Variants in PEAK1 observed in about 807,000 individuals in gnomAD.
PEAK1 encodes the protein inactive tyrosine-protein kinase PEAK1.
A neutral mutation model predicts 124.7 loss-of-function variants in PEAK1; 54 were observed. The observed-to-expected ratio is 0.43, with a 90% CI of 0.35 to 0.54. PEAK1 has a LOEUF of 0.54. Ranked by LOEUF, PEAK1 falls within the 20% of genes least tolerant of loss-of-function variation. The pLI, the probability that PEAK1 is intolerant of heterozygous loss-of-function variation, is 0.01. For synonymous variants in PEAK1, 719 were observed against 760.0 expected (o/e 0.95, Z 0.89); for missense variants, 2,046 against 2,134.5 (o/e 0.96, Z 0.82).
intron 6 of PEAK1, among the ~76,000 whole-genome samples, chr15:77,211,620 G>A (rs2058909283): frequency 6.6e-6 from 1 of 152,024 alleles, no homozygotes; most frequent in African/African-American, 2.4e-5. Flanking sequence ...AGGCCGAGGT[G>A]GGTCGATCAT....
chr15:77,298,918 G>A (rs1022540021), intron 2 of PEAK1, among the ~76,000 whole-genome samples: 9 of 152,082 alleles, frequency 5.9e-5, no homozygotes, highest in African/African-American at 2.2e-4. Context: ...CCTAGGTGGG[G>A]AGAAGGCCAA....
At chr15:77,164,762 T>G (rs1340537670) in intron 7 of PEAK1, among the ~76,000 whole-genome samples, 1 of 152,200 alleles carries the variant, frequency 6.6e-6, no homozygotes, top group African/African-American at 2.4e-5. Context: ...CTCCTTAGCA[T>G]CATAATTTTG....
intron 6 of PEAK1, among the ~76,000 whole-genome samples, chr15:77,214,556 G>A (rs868068104): frequency 4.0e-5 from 6 of 151,238 alleles, no homozygotes; most frequent in African/African-American, 1.2e-4. Flanking sequence ...CCCAGGAGGC[G>A]GAACTTGCAG....
intron 2 of PEAK1, among the ~76,000 whole-genome samples, chr15:77,328,600 T>C (rs953877566): frequency 2.6e-5 from 4 of 152,168 alleles, no homozygotes; most frequent in Admixed American, 6.6e-5. Context: ...AAATCCATAA[T>C]GTAGTCTGAT....
chr15:77,284,260 A>G (rs12910466), intron 4 of PEAK1, among the ~76,000 whole-genome samples: 1,667 of 152,344 alleles, frequency 0.011, 19 homozygotes, highest in Non-Finnish European at 0.017. Flanking sequence ...CCATCTTCAC[A>G]TGGCAGGATT....
chr15:77,181,172 C>T lies in PEAK1; in HGVS notation c.755G>A (p.Trp252Ter). ...FSNMEEEHES[W>*]DESDEELLAM... ...CAACAGCTCTTCATCACTCTCATCC[C>T]AACTCTCGTGCTCCTCCTCCATGTT... Residue 252 changes from tryptophan to a stop codon, truncating the protein, a stop_gained, in exon 7 of 10, where the codon TGG becomes TAG. Transcript: ENST00000682557. LOFTEE classifies it high-confidence loss of function. 1 of 1,614,172 alleles carries T rather than the reference C, an allele frequency of 6.2e-7. No individual in the cohort carries two copies.
intron 1 of PEAK1, among the ~76,000 whole-genome samples, chr15:77,373,735 A>G (rs1390524334): frequency 6.6e-6 from 1 of 152,214 alleles, no homozygotes; most frequent in Non-Finnish European, 1.5e-5. Context: ...AATACTTTAA[A>G]TATCACTCCT....
At chr15:77,121,260 T>C (rs1432631087) in intron 9 of PEAK1, among the ~76,000 whole-genome samples, 3 of 152,038 alleles carry the variant, frequency 2.0e-5, no homozygotes, top group African/African-American at 7.2e-5. Context: ...TTGTCTATCT[T>C]ACAAGCAGAT....
chr15:77,348,676 C>A, intron 2 of PEAK1: 29 of 985,256 alleles, frequency 2.9e-5, no homozygotes, highest in Non-Finnish European at 3.4e-5. Flanking sequence ...AATTGATGTC[C>A]ATGATAAAAT....
chr15:77,127,032 A>C (rs1245247730), intron 9 of PEAK1, among the ~76,000 whole-genome samples: 1 of 152,220 alleles, frequency 6.6e-6, no homozygotes, highest in Non-Finnish European at 1.5e-5. Context: ...CAGGGCTAAC[A>C]AGGAGGTAAT....
chr15:77,392,996 T>A (rs2070604128), intron 1 of PEAK1, among the ~76,000 whole-genome samples: 1 of 152,118 alleles, frequency 6.6e-6, no homozygotes, highest in Non-Finnish European at 1.5e-5. Flanking sequence ...GGACTTTCCA[T>A]TGGACCTCAG....
intron 1 of PEAK1, among the ~76,000 whole-genome samples, chr15:77,400,952 T>C (rs536601791): frequency 6.6e-6 from 1 of 152,302 alleles, no homozygotes; most frequent in East Asian, 1.9e-4. Flanking sequence ...ATAATCAAGA[T>C]TTTGCATTTG....
chr15:77,303,278 A>G (rs1367948215), intron 2 of PEAK1, among the ~76,000 whole-genome samples: 3 of 152,174 alleles, frequency 2.0e-5, no homozygotes, highest in Non-Finnish European at 4.4e-5. Context: ...AATACCTAAG[A>G]GCATAACTGC....
intron 2 of PEAK1, among the ~76,000 whole-genome samples, chr15:77,313,726 G>GTGTGTATA (rs1462211130): frequency 1.7e-4 from 18 of 108,598 alleles, no homozygotes; most frequent in African/African-American, 6.1e-4. Flanking sequence ...GTGTGTGTGT[G>GTGTGTATA]TATATATATA....
chr15:77,259,816 G>A (rs2061346272), intron 5 of PEAK1, among the ~76,000 whole-genome samples: 1 of 152,116 alleles, frequency 6.6e-6, no homozygotes, highest in South Asian at 2.1e-4. Flanking sequence ...TTCAGTAGAG[G>A]GAGGAAGAAT....
rs548864491 is a variant in PEAK1, at chr15:77,257,684, T to G, written c.-274-5158A>C. On this transcript the variant is annotated intron_variant, in intron 5 of 9. Transcript: ENST00000682557. ...CTCTCCCATTTTGTAGGTTGCCTGT[T>G]CACTCTGATGGTAGTTTCTTTTGCT... Among the ~76,000 whole-genome samples the G allele has an allele frequency of 2.5e-3, 384 of 152,050 alleles. 2 individuals carry two copies. Among genetic ancestry groups the G allele is most frequent in the African/African-American group, 8.6e-3 (355 of 41,472 alleles).
chr15:77,271,549 G>T lies in PEAK1; in HGVS notation c.-275+12334C>A, dbSNP rs185466050. On this transcript the variant is annotated intron_variant, in intron 5 of 9. Transcript: ENST00000682557. ...CCAACCCAAATGTCCATCAATGATAGACTGGATTAAGAAAATGTGGCACAT... is the reference window on the plus strand; with the variant it reads ...CCAACCCAAATGTCCATCAATGATATACTGGATTAAGAAAATGTGGCACAT... 1.2e-4 allele frequency among the ~76,000 whole-genome samples: 18 copies of T among 152,270 alleles called. 1 individual carries two copies. The highest frequency in any genetic ancestry group is 1.0e-3 in the Admixed American group (16 of 15,280).
chr15:77,331,021 C>G lies in PEAK1; in HGVS notation c.-603+34142G>C, dbSNP rs76720366. Reference sequence around the variant, plus strand: ...AAGTATATCTAAAATTTACACTCAACTTTTGTCATTTACTATTAGCATTCC... The same window carrying G: ...AAGTATATCTAAAATTTACACTCAAGTTTTGTCATTTACTATTAGCATTCC... On this transcript the variant is annotated intron_variant, in intron 2 of 9. Transcript: ENST00000682557. 403 of 904,510 alleles carry G rather than the reference C, an allele frequency of 4.5e-4. 1 individual carries two copies. The African/African-American group carries it at 7.1e-3, about 16-fold the overall frequency. 56.0% of individuals were successfully genotyped at this position (904,510 alleles called of 1,614,324 possible).
chr15:77,243,423 A>G (rs927868181), intron 6 of PEAK1, among the ~76,000 whole-genome samples: 2 of 152,192 alleles, frequency 1.3e-5, no homozygotes, highest in Non-Finnish European at 2.9e-5. Flanking sequence ...TTTACATCCG[A>G]TTATTTATTT....
Sources: allele counts gnomAD v4.1 joint callset (sites outside exome capture counted in the v4.1 genomes callset), GRCh38; gene constraint gnomAD v4.1.1; transcripts MANE v1.5; gene names NCBI Gene and HGNC (gene_info 2026-07-23, HGNC 2026-07-21).